PTPRD: variants seen among roughly 807,000 people sequenced by gnomAD.
PTPRD encodes the protein protein tyrosine phosphatase receptor type D.
Under a neutral mutation model 214.5 loss-of-function variants are expected in PTPRD, and 34 were observed. The ratio of observed to expected loss-of-function variants is 0.16; its 90% CI spans 0.12 to 0.21. The LOEUF (loss-of-function observed/expected upper bound fraction) is 0.21, where lower values mean the gene tolerates loss of function less well. Among genes scored for constraint, PTPRD ranks in the 10% least tolerant of loss-of-function variants. The probability of loss-of-function intolerance (pLI) is 1.00; values close to 1 mark genes in which losing one functional copy is unlikely to be tolerated. For synonymous variants in PTPRD, 1,128 were observed against 845.7 expected (o/e 1.33, Z -5.79); for missense variants, 2,545 against 2,398.7 (o/e 1.06, Z -1.27).
chr9:10,515,206 C>A (rs1178069827), intron 2 of PTPRD, among the ~76,000 whole-genome samples: 2 of 152,000 alleles, frequency 1.3e-5, no homozygotes, highest in East Asian at 3.9e-4. Context: ...ATAACTTCAA[C>A]AGATTCTTGC....
At chr9:9,214,013 A>G (rs1414251202) in intron 9 of PTPRD, among the ~76,000 whole-genome samples, 1 of 152,112 alleles carries the variant, frequency 6.6e-6, no homozygotes, top group Admixed American at 6.5e-5. Context: ...TATTTGGTGG[A>G]ACAACAGATA....
At chr9:10,105,954 G>C (rs1158484183) in intron 3 of PTPRD, among the ~76,000 whole-genome samples, 2 of 140,490 alleles carry the variant, frequency 1.4e-5, no homozygotes, top group African/African-American at 5.2e-5. Flanking sequence ...TGATCACCAA[G>C]GGGATGAATG....
intron 9 of PTPRD, among the ~76,000 whole-genome samples, chr9:9,332,827 T>C (rs927405417): frequency 2.4e-4 from 37 of 151,958 alleles, no homozygotes; most frequent in Non-Finnish European, 1.2e-4. Flanking sequence ...ATAAATTACA[T>C]GTGGAAATTC....
intron 2 of PTPRD, among the ~76,000 whole-genome samples, chr9:10,370,089 A>G (rs538823078): frequency 6.6e-6 from 1 of 152,246 alleles, no homozygotes; most frequent in South Asian, 2.1e-4. Flanking sequence ...GAGGTCTTAC[A>G]GCTCACAATG....
intron 7 of PTPRD, among the ~76,000 whole-genome samples, chr9:9,650,652 G>C (rs572650341): frequency 1.7e-3 from 260 of 152,152 alleles, no homozygotes; most frequent in African/African-American, 6.1e-3. Flanking sequence ...AGGAGAGATA[G>C]TATCAGGAAA....
At chr9:9,287,207 A>G (rs958124896) in intron 9 of PTPRD, among the ~76,000 whole-genome samples, 2 of 151,594 alleles carry the variant, frequency 1.3e-5, no homozygotes, top group Admixed American at 6.6e-5. Flanking sequence ...CCTGGGCAAC[A>G]GAACAAGACT....
At chr9:9,198,612 T>A (rs1465515373) in intron 9 of PTPRD, among the ~76,000 whole-genome samples, 2 of 152,126 alleles carry the variant, frequency 1.3e-5, no homozygotes, top group Non-Finnish European at 2.9e-5. Flanking sequence ...GATTTGGCAT[T>A]TCAATGTGCT....
chr9:9,482,160 G>A (rs771121489), intron 8 of PTPRD, among the ~76,000 whole-genome samples: 1 of 151,804 alleles, frequency 6.6e-6, no homozygotes, highest in Non-Finnish European at 1.5e-5. Context: ...AAGATCTTTT[G>A]GGGAGAGGTG....
intron 44 of PTPRD, among the ~76,000 whole-genome samples, chr9:8,324,581 A>G (rs942318255): frequency 1.3e-5 from 2 of 152,154 alleles, no homozygotes; most frequent in Non-Finnish European, 2.9e-5. Context: ...GTGTCTTTGT[A>G]GTAGAATGAT....
chr9:10,234,294 T>A (rs886990530), intron 3 of PTPRD, among the ~76,000 whole-genome samples: 3 of 151,872 alleles, frequency 2.0e-5, no homozygotes, highest in African/African-American at 7.2e-5. Context: ...AAATCATGTT[T>A]TTAAATAGAC....
At chr9:9,118,839 G>T (rs747545430) in intron 10 of PTPRD, among the ~76,000 whole-genome samples, 1 of 152,082 alleles carries the variant, frequency 6.6e-6, no homozygotes, top group Non-Finnish European at 1.5e-5. Context: ...AATAATAAGA[G>T]CATTTTATTT....
At chr9:9,069,052 C>G (rs994417587) in intron 10 of PTPRD, among the ~76,000 whole-genome samples, 1 of 152,038 alleles carries the variant, frequency 6.6e-6, no homozygotes, top group South Asian at 2.1e-4. Context: ...TAAGAAAAAA[C>G]AAATTAAGAA....
intron 3 of PTPRD, among the ~76,000 whole-genome samples, chr9:10,287,504 C>G (rs1359670474): frequency 1.3e-5 from 2 of 152,150 alleles, no homozygotes; most frequent in East Asian, 1.9e-4. Context: ...TGAAAAGTAT[C>G]TACATAATGA....
chr9:9,203,951 A>G (rs538686383), intron 9 of PTPRD, among the ~76,000 whole-genome samples: 1 of 152,276 alleles, frequency 6.6e-6, no homozygotes, highest in South Asian at 2.1e-4. Flanking sequence ...GTACTCTTAA[A>G]ATTTACAGTT....
At chr9:9,229,523 T>C (rs1051071400) in intron 9 of PTPRD, among the ~76,000 whole-genome samples, 7 of 152,114 alleles carry the variant, frequency 4.6e-5, no homozygotes, top group Non-Finnish European at 7.4e-5. Flanking sequence ...GCTTAGATCA[T>C]GTGTCCTCTC....
intron 10 of PTPRD, among the ~76,000 whole-genome samples, chr9:9,049,282 C>G (rs1312812714): frequency 6.6e-6 from 1 of 152,150 alleles, no homozygotes; most frequent in Non-Finnish European, 1.5e-5. Context: ...CAAGTCATTT[C>G]TGTAAGGCTT....
intron 3 of PTPRD, among the ~76,000 whole-genome samples, chr9:10,216,579 A>C (rs1158428320): frequency 1.3e-5 from 2 of 152,086 alleles, no homozygotes; most frequent in African/African-American, 4.8e-5. Flanking sequence ...GTTTGGGTCA[A>C]TATTAAGAGA....
chr9:9,074,646 C>T (rs2099748395), intron 10 of PTPRD, among the ~76,000 whole-genome samples: 1 of 151,870 alleles, frequency 6.6e-6, no homozygotes, highest in Admixed American at 6.6e-5. Context: ...TGCCTGTTTG[C>T]CATTTGTATG....
intron 19 of PTPRD, among the ~76,000 whole-genome samples, chr9:8,521,801 G>T (rs2138953106): frequency 6.6e-6 from 1 of 152,090 alleles, no homozygotes; most frequent in East Asian, 1.9e-4. Context: ...ACCTACAAGG[G>T]CCCCACAAAA....
Sources: gnomAD v4.1 joint callset for allele counts (sites outside exome capture counted in the v4.1 genomes callset) on GRCh38, gnomAD v4.1.1 for gene constraint, MANE v1.5 for transcripts, NCBI Gene and HGNC (gene_info 2026-07-23, HGNC 2026-07-21) for gene names.